CELF2: variants seen among roughly 807,000 people sequenced by gnomAD.
CELF2 encodes CUGBP Elav-like family member 2.
Under a neutral mutation model 62.6 loss-of-function variants are expected in CELF2, and 8 were observed. That is an observed-to-expected ratio of 0.13 (90% CI 0.07 to 0.23). CELF2 has a LOEUF of 0.23. Among genes scored for constraint, CELF2 ranks in the 10% least tolerant of loss-of-function variants. The pLI is 1.00. For missense variants in CELF2, 333 were observed against 671.0 expected, an observed-to-expected ratio of 0.50 and a Z score of 5.56; for synonymous variants, 258 against 250.0, an observed-to-expected ratio of 1.03 and a Z score of -0.30.
At chr10:10,864,151 C>T (rs531311576) in intron 1 of CELF2, among the ~76,000 whole-genome samples, 92 of 152,224 alleles carry the variant, frequency 6.0e-4, no homozygotes, top group Middle Eastern at 6.8e-3. Flanking sequence ...TACACATATA[C>T]GTACATACAC....
chr10:11,053,023 T>C (rs2064266750), intron 1 of CELF2, among the ~76,000 whole-genome samples: 2 of 152,234 alleles, frequency 1.3e-5, no homozygotes, highest in Admixed American at 6.5e-5. Flanking sequence ...TCTTCTTTAA[T>C]CTTGTAGTAT....
At chr10:10,528,661 A>T in the CELF2 span, among the ~76,000 whole-genome samples, 1 of 152,086 alleles carries the variant, frequency 6.6e-6, no homozygotes, top group Non-Finnish European at 1.5e-5. Context: ...CTTTTCTATG[A>T]CCGCTCATCC....
In CELF2 at chr10:11,214,293, A is replaced by C. The variant is rs1198847846; in HGVS notation, c.272-3132A>C. ...TGACATCCTGTCTCAAAAATAAATA[A>C]ATTTTTTAATGATGAAACTAACTAA... On this transcript the variant is annotated intron_variant, in intron 2 of 12. Transcript: ENST00000633077. This position sits in a 1 kb window ranked among gnomAD's most constrained non-coding sequence, Gnocchi z 4.2. Among the ~76,000 whole-genome samples the C allele has an allele frequency of 1.3e-5, 2 of 152,108 alleles. No individual in the cohort carries two copies. Among genetic ancestry groups the C allele is most frequent in the East Asian group, 3.9e-4 (2 of 5,188 alleles).
chr10:11,083,095 A>G (rs536059498), intron 1 of CELF2, among the ~76,000 whole-genome samples: 1 of 152,330 alleles, frequency 6.6e-6, no homozygotes, highest in African/African-American at 2.4e-5. Context: ...GACACAGTGC[A>G]TCCTTCGGTT....
At chr10:11,263,398 CA>C (rs1039257327) in intron 5 of CELF2, among the ~76,000 whole-genome samples, 1 of 151,884 alleles carries the variant, frequency 6.6e-6, no homozygotes, top group Non-Finnish European at 1.5e-5. Context: ...CCCTCCCCAC[CA>C]AAAAAGAAAG....
upstream of CELF2, among the ~76,000 whole-genome samples, chr10:11,014,728 T>A (rs1455692161): frequency 6.6e-6 from 1 of 152,140 alleles, no homozygotes; most frequent in Non-Finnish European, 1.5e-5. Flanking sequence ...AACTGCACAG[T>A]GCTTTCCCTT....
chr10:11,065,057 A>G (rs1161523771), intron 1 of CELF2, among the ~76,000 whole-genome samples: 2 of 152,214 alleles, frequency 1.3e-5, no homozygotes, highest in African/African-American at 2.4e-5. Context: ...GTTCCCTGCT[A>G]TCAAAGCAAT....
intron 1 of CELF2, among the ~76,000 whole-genome samples, chr10:10,817,472 G>T (rs1003093269): frequency 6.6e-6 from 1 of 151,778 alleles, no homozygotes; most frequent in Admixed American, 6.6e-5. Context: ...CCCAACCCCC[G>T]CATTACGCTT....
At chr10:10,656,918 TAAAAA>T in the CELF2 span, among the ~76,000 whole-genome samples, 1 of 124,918 alleles carries the variant, frequency 8.0e-6, no homozygotes, top group Non-Finnish European at 1.7e-5. Flanking sequence ...GTAGAATCAA[TAAAAA>T]AAAAAAAAAA....
upstream of CELF2, among the ~76,000 whole-genome samples, chr10:10,793,698 T>C (rs1002064563): frequency 5.9e-5 from 9 of 152,324 alleles, no homozygotes; most frequent in African/African-American, 2.2e-4. Context: ...ATCCTATCAC[T>C]GCTTTGTTCA....
the CELF2 span, among the ~76,000 whole-genome samples, chr10:10,475,318 C>T: frequency 3.3e-5 from 5 of 151,920 alleles, no homozygotes; most frequent in African/African-American, 7.3e-5. Flanking sequence ...AGTCTTACAT[C>T]CCATGTCCCC....
chr10:10,721,942 C>A, the CELF2 span, among the ~76,000 whole-genome samples: 1 of 152,106 alleles, frequency 6.6e-6, no homozygotes, highest in African/African-American at 2.4e-5. Flanking sequence ...ACCTATTATG[C>A]CCATTTTAAT....
the CELF2 span, among the ~76,000 whole-genome samples, chr10:10,716,199 T>C: frequency 6.6e-6 from 1 of 152,188 alleles, no homozygotes; most frequent in Non-Finnish European, 1.5e-5. Flanking sequence ...CCTAAAGACA[T>C]GAGTCAAATA....
At chr10:10,687,767 G>T in the CELF2 span, among the ~76,000 whole-genome samples, 2 of 152,124 alleles carry the variant, frequency 1.3e-5, no homozygotes, top group African/African-American at 4.8e-5. Flanking sequence ...TTTTCTTGCC[G>T]GGATGCAACA....
chr10:11,256,999 C>G (rs1370626428), intron 4 of CELF2, among the ~76,000 whole-genome samples: 1 of 151,986 alleles, frequency 6.6e-6, no homozygotes. Flanking sequence ...GGGTGTTTCT[C>G]CAGCAGCAGC....
chr10:11,208,571 G>A (rs1163319226), intron 2 of CELF2, among the ~76,000 whole-genome samples: 1 of 152,226 alleles, frequency 6.6e-6, no homozygotes, highest in Non-Finnish European at 1.5e-5. Flanking sequence ...TTCCTTCTGG[G>A]TGTGGGAAGG....
chr10:10,701,219 A>T, the CELF2 span, among the ~76,000 whole-genome samples: 1 of 152,250 alleles, frequency 6.6e-6, no homozygotes, highest in Non-Finnish European at 1.5e-5. Context: ...TCCTGAGCCT[A>T]GGCAGAGGCT....
Position 11,246,131 on chromosome 10 carries a change from A to G in CELF2, c.355-3022A>G, listed in dbSNP as rs552988111. Reference sequence around the variant, plus strand: ...CCACGCATTTCACAGATGCATCTGAATGCTCACAGTGCTCTATTTGTGCTC... The same window carrying G: ...CCACGCATTTCACAGATGCATCTGAGTGCTCACAGTGCTCTATTTGTGCTC... On this transcript the variant is annotated intron_variant, in intron 3 of 12. Transcript: ENST00000633077. The surrounding 1 kb of genome is among the most constrained non-coding windows in gnomAD (Gnocchi z 4.6). Among the ~76,000 whole-genome samples, 3 of 152,222 alleles carry G rather than the reference A, an allele frequency of 2.0e-5. No individual in the cohort carries two copies. Among genetic ancestry groups the G allele is most frequent in the African/African-American group, 7.2e-5 (3 of 41,522 alleles).
chr10:10,505,089 G>C, the CELF2 span, among the ~76,000 whole-genome samples: 240 of 152,106 alleles, frequency 1.6e-3, 1 homozygote, highest in Non-Finnish European at 1.8e-3. Flanking sequence ...TTCTTTTTAT[G>C]ATGACTGGTT....
Sources: gnomAD v4.1 joint callset for allele counts (sites outside exome capture counted in the v4.1 genomes callset) on GRCh38, gnomAD v4.1.1 for gene constraint, Gnocchi (gnomAD v3.1) non-coding constraint, MANE v1.5 for transcripts, NCBI Gene and HGNC (gene_info 2026-07-23, HGNC 2026-07-21) for gene names.